CLNK: variants seen among roughly 807,000 people sequenced by gnomAD.
CLNK encodes the protein cytokine-dependent hematopoietic cell linker.
Under a neutral mutation model 68.6 loss-of-function variants are expected in CLNK, and 74 were observed. The observed-to-expected ratio is 1.08, with a 90% CI of 0.89 to 1.31. The LOEUF (loss-of-function observed/expected upper bound fraction) is 1.31. CLNK is among the 50% of genes most tolerant of loss of function. CLNK has a pLI of 0.00. For missense variants in CLNK, 553 were observed against 515.3 expected (o/e 1.07, Z -0.71); for synonymous variants, 198 against 172.2 (o/e 1.15, Z -1.17).
intron 8 of CLNK, among the ~76,000 whole-genome samples, chr4:10,545,046 C>A (rs1719172315): frequency 6.6e-6 from 1 of 152,176 alleles, no homozygotes; most frequent in Non-Finnish European, 1.5e-5. Flanking sequence ...CTCAATACTG[C>A]CACACTGGGG....
chr4:10,718,164 A>G, the CLNK span, among the ~76,000 whole-genome samples: 1 of 152,228 alleles, frequency 6.6e-6, no homozygotes, highest in African/African-American at 2.4e-5. Context: ...AACTGGAAGT[A>G]GAACAATTAA....
chr4:10,650,950 A>C (rs1055969068), intron 2 of CLNK, among the ~76,000 whole-genome samples: 2 of 152,184 alleles, frequency 1.3e-5, no homozygotes, highest in Non-Finnish European at 2.9e-5. Flanking sequence ...CATGAAAAAA[A>C]CCTCATCATC....
chr4:10,661,300 T>A (rs773584082), intron 2 of CLNK, among the ~76,000 whole-genome samples: 1 of 152,176 alleles, frequency 6.6e-6, no homozygotes, highest in Non-Finnish European at 1.5e-5. Flanking sequence ...CTGATACACA[T>A]CACCACCTAG....
chr4:10,638,335 G>T (rs550917168), intron 2 of CLNK, among the ~76,000 whole-genome samples: 51 of 152,256 alleles, frequency 3.3e-4, no homozygotes, highest in Admixed American at 8.5e-4. Flanking sequence ...AGTGAAAGGG[G>T]GCTCTACTAA....
intron 1 of CLNK, among the ~76,000 whole-genome samples, chr4:10,673,203 G>C (rs907914626): frequency 4.6e-5 from 7 of 152,108 alleles, no homozygotes; most frequent in African/African-American, 1.2e-4. Flanking sequence ...GCTTTACAAT[G>C]TGCCAGTCAC....
intron 18 of CLNK, among the ~76,000 whole-genome samples, chr4:10,498,597 GA>G (rs1286081096): frequency 8.5e-5 from 13 of 152,146 alleles, no homozygotes; most frequent in African/African-American, 3.1e-4. Context: ...CACTGAACTG[GA>G]AAGTCCATTA....
the CLNK span, among the ~76,000 whole-genome samples, chr4:10,703,431 C>T: frequency 1.2e-4 from 19 of 152,170 alleles, no homozygotes; most frequent in African/African-American, 3.9e-4. Flanking sequence ...TGTCTAGGCA[C>T]GACTTGCCTG....
intron 2 of CLNK, among the ~76,000 whole-genome samples, chr4:10,630,233 A>C (rs1722832057): frequency 6.6e-6 from 1 of 152,206 alleles, no homozygotes; most frequent in South Asian, 2.1e-4. Flanking sequence ...CTGATAATTT[A>C]TTTGAACAAC....
At chr4:10,691,840 G>A in the CLNK span, among the ~76,000 whole-genome samples, 34 of 152,224 alleles carry the variant, frequency 2.2e-4, no homozygotes, top group African/African-American at 7.0e-4. Context: ...ATGAAACACC[G>A]CCGAGGAATC....
At chr4:10,544,632 A>C (rs1412918618) in intron 8 of CLNK, among the ~76,000 whole-genome samples, 1 of 152,180 alleles carries the variant, frequency 6.6e-6, no homozygotes, top group African/African-American at 2.4e-5. Flanking sequence ...GCGAGGGAGC[A>C]TGTCCTGTGG....
chr4:10,633,954 T>A (rs998762560), intron 2 of CLNK, among the ~76,000 whole-genome samples: 10 of 152,182 alleles, frequency 6.6e-5, no homozygotes. Flanking sequence ...GGCCAACTAG[T>A]GAGGTCAGAA....
intron 2 of CLNK, among the ~76,000 whole-genome samples, chr4:10,604,501 C>A (rs757520816): frequency 5.3e-5 from 8 of 151,996 alleles, no homozygotes; most frequent in Non-Finnish European, 1.2e-4. Flanking sequence ...TACACCATGG[C>A]CTAGATGCCA....
chr4:10,723,045 A>C, the CLNK span, among the ~76,000 whole-genome samples: 12 of 149,936 alleles, frequency 8.0e-5, no homozygotes, highest in African/African-American at 2.7e-4. Context: ...CTCTGTATTA[A>C]AAAAAAAAAC....
intron 8 of CLNK, among the ~76,000 whole-genome samples, chr4:10,544,685 C>G (rs1719160184): frequency 6.6e-6 from 1 of 152,022 alleles, no homozygotes; most frequent in Non-Finnish European, 1.5e-5. Context: ...ACAGCAAGGG[C>G]AAAAGTCCTC....
At chr4:10,537,738 CCTTT>C (rs1416803262) in intron 11 of CLNK, among the ~76,000 whole-genome samples, 1 of 12,738 alleles carries the variant, frequency 7.9e-5, no homozygotes, top group African/African-American at 2.5e-4. Context: ...TTTCTTTCTT[CCTTT>C]CTTTTTCTTT....
rs181025297 is a variant in CLNK, at chr4:10,627,599, G to A, written c.12-29550C>T. ...CAGGGAGAGAGAGACAGAGAAGGAC[G>A]GACACAGAGAGGGACAGAGAGAGAC... On this transcript the variant is annotated intron_variant, in intron 2 of 18. Transcript: ENST00000226951. Among the ~76,000 whole-genome samples, 42 of 152,224 alleles carry A rather than the reference G, an allele frequency of 2.8e-4. No homozygotes were observed. In the East Asian group the frequency reaches 7.7e-3, roughly 28 times the overall value.
At chr4:10,544,535 C>T (rs924420621) in intron 8 of CLNK, among the ~76,000 whole-genome samples, 7 of 152,020 alleles carry the variant, frequency 4.6e-5, no homozygotes, top group African/African-American at 9.7e-5. Context: ...CAGCACGGTG[C>T]GGAGAGTAGG....
the CLNK span, among the ~76,000 whole-genome samples, chr4:10,712,175 C>T: frequency 6.6e-6 from 1 of 152,170 alleles, no homozygotes; most frequent in East Asian, 1.9e-4. Context: ...AGACCTTTAC[C>T]CCTCATAAAG....
At chr4:10,699,513 T>TATATG in the CLNK span, among the ~76,000 whole-genome samples, 23 of 62,044 alleles carry the variant, frequency 3.7e-4, no homozygotes, top group South Asian at 1.3e-3. Flanking sequence ...TATATATATA[T>TATATG]TTTTTTTTTT....
Sources: gnomAD v4.1 joint callset for allele counts (sites outside exome capture counted in the v4.1 genomes callset) on GRCh38, gnomAD v4.1.1 for gene constraint, MANE v1.5 for transcripts, NCBI Gene and HGNC (gene_info 2026-07-23, HGNC 2026-07-21) for gene names.